PTCD2: variants seen among roughly 807,000 people sequenced by gnomAD.
PTCD2 encodes pentatricopeptide repeat-containing protein 2, mitochondrial.
A neutral mutation model predicts 42.6 loss-of-function variants in PTCD2; 31 were observed. The ratio of observed to expected loss-of-function variants is 0.73; its 90% confidence interval spans 0.55 to 0.98. PTCD2 has a LOEUF of 0.98. Ranked by LOEUF, PTCD2 falls within the 50% of genes least tolerant of loss-of-function variation. The pLI is 0.00. For synonymous variants in PTCD2, 183 were observed against 170.9 expected (o/e 1.07, Z -0.55); for missense variants, 476 against 454.8 (o/e 1.05, Z -0.42).
intron 2 of PTCD2, among the ~76,000 whole-genome samples, chr5:72,324,085 G>A (rs1751008593): frequency 6.6e-6 from 1 of 152,158 alleles, no homozygotes; most frequent in Non-Finnish European, 1.5e-5. Flanking sequence ...ATCCCCAGTT[G>A]AGTAGGCTCA....
chr5:72,358,410 T>G lies in PTCD2; in HGVS notation c.1150T>G (p.Ser384Ala), dbSNP rs1752993437. 6.2e-7 allele frequency: 1 copy of G among 1,612,506 alleles called. No individual in the cohort carries two copies. The highest frequency in any genetic ancestry group is 1.1e-5 in the South Asian group (1 of 91,036). The change falls in exon 10 of 10, where the codon TCC becomes GCC. Residue 384 changes from serine to alanine, a missense_variant. Physicochemically the swap from Ser to Ala is moderately conservative, Grantham distance 99. Coordinates refer to ENST00000380639, the MANE Select transcript of PTCD2 (RefSeq NM_024754.5). ...SRRTFQPLSQ[S>A]LLAE ...TCGCACCTTCCAGCCACTCAGCCAG[T>G]CCCTGTTGGCTGAGTAACCCTGGTT...
chr5:72,327,249 C>G (rs1012930229), intron 3 of PTCD2, among the ~76,000 whole-genome samples: 1 of 152,146 alleles, frequency 6.6e-6, no homozygotes, highest in Non-Finnish European at 1.5e-5. Context: ...TGTCTCTCAC[C>G]TAAATCCTTT....
intron 3 of PTCD2, among the ~76,000 whole-genome samples, chr5:72,329,588 A>G (rs1266440571): frequency 6.6e-6 from 1 of 152,170 alleles, no homozygotes; most frequent in Non-Finnish European, 1.5e-5. Flanking sequence ...CAAGTTTCTC[A>G]TGAGAATATT....
intron 9 of PTCD2, among the ~76,000 whole-genome samples, chr5:72,357,395 C>G (rs1752928679): frequency 6.6e-6 from 1 of 152,126 alleles, no homozygotes; most frequent in African/African-American, 2.4e-5. Flanking sequence ...TTTTCTGTAC[C>G]TTTCCCAATC....
chr5:72,338,575 A>C, intron 6 of PTCD2, 47 bp from the exon 7 acceptor site: 1 of 974,932 alleles, frequency 1.0e-6, no homozygotes, highest in Non-Finnish European at 1.6e-6. Context: ...CATTTTATTG[A>C]ACTTAAAGGT....
intron 1 of PTCD2, 31 bp from the exon 2 acceptor site, chr5:72,322,141 G>A (rs1325578389): frequency 8.5e-7 from 1 of 1,183,164 alleles, no homozygotes; most frequent in African/African-American, 1.5e-5. Context: ...CAGTCAAAAT[G>A]ACTTTACTTT....
chr5:72,357,674 T>C (rs1752944315), intron 9 of PTCD2, among the ~76,000 whole-genome samples: 1 of 152,208 alleles, frequency 6.6e-6, no homozygotes, highest in African/African-American at 2.4e-5. Flanking sequence ...CTCCTTTACT[T>C]GGTGTGTTTC....
intron 3 of PTCD2, 105 bp from the exon 4 acceptor site, chr5:72,331,153 G>C: frequency 1.4e-6 from 1 of 738,610 alleles, no homozygotes; most frequent in South Asian, 1.6e-5. Context: ...AGAGGACTTC[G>C]TTCTCTGTTG....
intron 3 of PTCD2, among the ~76,000 whole-genome samples, chr5:72,328,401 A>G (rs1337982273): frequency 6.6e-6 from 1 of 152,242 alleles, no homozygotes; most frequent in African/African-American, 2.4e-5. Context: ...CCCACAGCCC[A>G]GATGGGAGCT....
chr5:72,323,053 GGT>G (rs1750947528), intron 2 of PTCD2, among the ~76,000 whole-genome samples: 5 of 152,128 alleles, frequency 3.3e-5, no homozygotes. Flanking sequence ...CAGGGACTGA[GGT>G]GGGAGGATTG....
At position 72,342,629 on chromosome 5, in the gene PTCD2, A is replaced by G. The variant is rs79159268; in HGVS notation, c.754-333A>G. Among the ~76,000 whole-genome samples, 1,278 of 152,142 alleles carry G rather than the reference A, an allele frequency of 8.4e-3. 18 individuals carry two copies. The highest frequency in any genetic ancestry group is 0.03 in the African/African-American group (1,225 of 41,476). ...AGCTGTGCTGTGGCTTGAGGTTTCT[A>G]TGTTCTAATTATGTATGTCAAAGAC... On this transcript the variant is annotated intron_variant, in intron 7 of 9. Coordinates refer to ENST00000380639, the MANE Select transcript of PTCD2 (RefSeq NM_024754.5).
intron 4 of PTCD2, among the ~76,000 whole-genome samples, chr5:72,332,649 G>GT (rs1001672346): frequency 5.3e-5 from 8 of 151,846 alleles, no homozygotes; most frequent in Non-Finnish European, 1.0e-4. Flanking sequence ...AAGCAAACGG[G>GT]TTTTTTTTAG....
At chr5:72,348,974 G>A (rs56376801) in intron 8 of PTCD2, among the ~76,000 whole-genome samples, 10,193 of 152,320 alleles carry the variant, frequency 0.067, 463 homozygotes, top group Middle Eastern at 0.14. Flanking sequence ...AAATTCCTTC[G>A]TGGCAGCATC....
chr5:72,344,306 G>A (rs1224808761), intron 8 of PTCD2, among the ~76,000 whole-genome samples: 1 of 152,186 alleles, frequency 6.6e-6, no homozygotes, highest in African/African-American at 2.4e-5. Flanking sequence ...GAGGTCAGGA[G>A]ATCGAGATCA....
intron 7 of PTCD2, among the ~76,000 whole-genome samples, chr5:72,342,227 G>C (rs563702073): frequency 6.6e-6 from 1 of 152,072 alleles, no homozygotes; most frequent in African/African-American, 2.4e-5. Flanking sequence ...CCAGAGTTTT[G>C]TCTACAAGTA....
At chr5:72,357,820 T>A (rs1752951485) in intron 9 of PTCD2, among the ~76,000 whole-genome samples, 1 of 151,950 alleles carries the variant, frequency 6.6e-6, no homozygotes. Flanking sequence ...AGTACCCTGG[T>A]TTTCACGATT....
At chr5:72,330,376 AG>A (rs1249813097) in intron 3 of PTCD2, among the ~76,000 whole-genome samples, 1 of 152,204 alleles carries the variant, frequency 6.6e-6, no homozygotes, top group African/African-American at 2.4e-5. Flanking sequence ...TTTTAGCAGA[AG>A]GTAAAAAGTA....
chr5:72,348,078 C>G (rs1210273341), intron 8 of PTCD2, among the ~76,000 whole-genome samples: 2 of 152,106 alleles, frequency 1.3e-5, no homozygotes, highest in Non-Finnish European at 2.9e-5. Flanking sequence ...ATGTTCAACC[C>G]AAATTTCTCA....
intron 3 of PTCD2, among the ~76,000 whole-genome samples, chr5:72,329,245 G>A (rs904820202): frequency 2.0e-5 from 3 of 152,110 alleles, no homozygotes; most frequent in Admixed American, 2.0e-4. Context: ...GTAGACAGCC[G>A]GACAAGTGGA....
Sources: gnomAD v4.1 joint callset for allele counts (sites outside exome capture counted in the v4.1 genomes callset) on GRCh38, gnomAD v4.1.1 for gene constraint, MANE v1.5 for transcripts, NCBI Gene and HGNC (gene_info 2026-07-23, HGNC 2026-07-21) for gene names.